The following PITPNM3 variants were observed in gnomAD, a reference collection of about 807,000 sequenced individuals.
PITPNM3 encodes membrane-associated phosphatidylinositol transfer protein 3.
In PITPNM3, 26 loss-of-function variants were observed where a neutral mutation model predicts 102.0. The observed-to-expected ratio is 0.25, with a 90% CI of 0.19 to 0.35. PITPNM3 has a LOEUF of 0.35. PITPNM3 is among the 10% of genes least tolerant of loss of function. PITPNM3 has a pLI of 1.00. For missense variants in PITPNM3, 1,083 were observed against 1,346.1 expected (o/e 0.80, Z 3.06); for synonymous variants, 578 against 558.6 (o/e 1.03, Z -0.49).
chr17:6,556,409 C>A lies in PITPNM3; in HGVS notation c.-3G>T. 1.5e-6 allele frequency: 2 copies of A among 1,310,340 alleles called. No homozygotes were observed. Among genetic ancestry groups the A allele is most frequent in the Non-Finnish European group, 9.7e-7 (1 of 1,029,396 alleles). 81.2% of individuals were successfully genotyped at this position (1,310,340 alleles called of 1,614,324 possible). On this transcript the variant is annotated 5_prime_UTR_variant, in exon 1 of 20. Coordinates refer to ENST00000262483, the MANE Select transcript of PITPNM3 (RefSeq NM_031220.4). This position sits in a 1 kb window ranked among gnomAD's most constrained non-coding sequence, Gnocchi z 5.2. ...CCTGCACGGCCCGCCTTGGCCATGTCCCGGGCGGCGGGCTCCGGCGGCGCT... is the reference window on the plus strand; with the variant it reads ...CCTGCACGGCCCGCCTTGGCCATGTACCGGGCGGCGGGCTCCGGCGGCGCT...
chr17:6,471,189 G>A lies in PITPNM3; in HGVS notation c.1596C>T (p.Asp532=), dbSNP rs954237971. 12 of 1,612,856 alleles carry A rather than the reference G, an allele frequency of 7.4e-6. No individual in the cohort carries two copies. The Admixed American group carries it at 1.5e-4, about 20-fold the overall frequency. ...SSHSESSESS[D]SMAPVGASRI... ...GGGAGGCACCCACGGGTGCCATGCTGTCCGAGGACTCCGAGCTCTCGCTGT... is the reference window on the plus strand; with the variant it reads ...GGGAGGCACCCACGGGTGCCATGCTATCCGAGGACTCCGAGCTCTCGCTGT... Residue 532 remains aspartate (D), a synonymous_variant, in exon 12 of 20, where the codon GAC becomes GAT. Transcript: ENST00000262483.
intron 6 of PITPNM3, chr17:6,481,705 A>G (rs1404547413): frequency 6.6e-6 from 1 of 151,534 alleles, no homozygotes; most frequent in East Asian, 2.0e-4. Context: ...GCTCCATCAG[A>G]GCACTGTGAT....
At chr17:6,475,298 T>TC (rs1305211325) in intron 9 of PITPNM3, among the ~76,000 whole-genome samples, 1 of 152,018 alleles carries the variant, frequency 6.6e-6, no homozygotes, top group Non-Finnish European at 1.5e-5. Context: ...GTGCCCACTG[T>TC]CCCGGGAAGA....
chr17:6,471,458 G>C, intron 11 of PITPNM3, 103 bp from the exon 12 acceptor site: 2 of 1,177,958 alleles, frequency 1.7e-6, no homozygotes, highest in Admixed American at 5.2e-5. Context: ...ACTTGGAGGA[G>C]TCAGCCCCGG....
intron 1 of PITPNM3, among the ~76,000 whole-genome samples, chr17:6,543,524 C>A (rs997064903): frequency 2.0e-5 from 3 of 152,248 alleles, no homozygotes; most frequent in Admixed American, 6.5e-5. Flanking sequence ...GTGAGGAACG[C>A]CCTGACCGTA....
chr17:6,500,338 C>T (rs372953245), intron 4 of PITPNM3, among the ~76,000 whole-genome samples: 11 of 152,146 alleles, frequency 7.2e-5, no homozygotes, highest in East Asian at 1.9e-4. Flanking sequence ...CAAGCCATTG[C>T]GATTCTTCTT....
Position 6,464,310 on chromosome 17 carries a change from G to A in PITPNM3, c.2016C>T (p.Ile672=). Residue 672 remains isoleucine, a synonymous_variant, in exon 16 of 20, where the codon ATC becomes ATT. Coordinates refer to ENST00000262483, the MANE Select transcript of PITPNM3 (RefSeq NM_031220.4). ...CTGAGGATGGCTCTGCCATTACTAG[G>A]ATGTCCACCTGCGGCAGTGAAGGGG... ...MVALTGEKVD[I]LVMAEPSSGR... The A allele has an allele frequency of 6.2e-7, 1 of 1,613,832 alleles. No homozygotes were observed. The highest frequency in any genetic ancestry group is 8.5e-7 in the Non-Finnish European group (1 of 1,180,006).
At chr17:6,492,217 A>C (rs1906532867) in intron 4 of PITPNM3, among the ~76,000 whole-genome samples, 1 of 147,052 alleles carries the variant, frequency 6.8e-6, no homozygotes, top group Non-Finnish European at 1.5e-5. Context: ...GCGCCCCCCC[A>C]CCATGCCCAG....
intron 2 of PITPNM3, among the ~76,000 whole-genome samples, chr17:6,528,063 A>G (rs1008631355): frequency 1.3e-5 from 2 of 151,924 alleles, no homozygotes; most frequent in Non-Finnish European, 2.9e-5. Context: ...CCAGAGTCTC[A>G]CCGTGCTTCT....
intron 14 of PITPNM3, among the ~76,000 whole-genome samples, chr17:6,466,488 T>C (rs1904776329): frequency 6.6e-6 from 1 of 152,108 alleles, no homozygotes; most frequent in Admixed American, 6.6e-5. Context: ...TATAAGCACC[T>C]GAAAAGATCC....
chr17:6,518,529 A>G (rs1908314413), intron 3 of PITPNM3, among the ~76,000 whole-genome samples: 1 of 152,214 alleles, frequency 6.6e-6, no homozygotes, highest in Non-Finnish European at 1.5e-5. Context: ...AAATAAGATT[A>G]AAAAGCTCTT....
At chr17:6,544,083 A>G (rs1909877194) in intron 1 of PITPNM3, among the ~76,000 whole-genome samples, 1 of 152,216 alleles carries the variant, frequency 6.6e-6, no homozygotes, top group South Asian at 2.1e-4. Context: ...GGTGCCCCTG[A>G]GCGAGGCCCT....
Position 6,468,183 on chromosome 17 carries a change from A to G in PITPNM3, c.1890+42T>C. ...CCCCCGGGCCAGCCCCACCTCCCGG[A>G]GGACACAGTCCCAGCCACATGCGAA... On this transcript the variant is annotated intron_variant, in intron 14 of 19. Transcript: ENST00000262483. This position sits in a 1 kb window ranked among gnomAD's most constrained non-coding sequence, Gnocchi z 5.2. The G allele has an allele frequency of 6.3e-7, 1 of 1,589,804 alleles. No homozygotes were observed. Among genetic ancestry groups the G allele is most frequent in the East Asian group, 2.2e-5 (1 of 44,760 alleles).
chr17:6,488,584 C>T (rs1028052010), intron 4 of PITPNM3, among the ~76,000 whole-genome samples: 2 of 152,150 alleles, frequency 1.3e-5, no homozygotes, highest in Admixed American at 1.3e-4. Context: ...CCATTAAACC[C>T]CCAGGAGAAA....
intron 2 of PITPNM3, among the ~76,000 whole-genome samples, chr17:6,530,887 G>T (rs1482064615): frequency 6.6e-6 from 1 of 152,214 alleles, no homozygotes; most frequent in Non-Finnish European, 1.5e-5. Flanking sequence ...ACAGAGCCTT[G>T]CAAGGCCATG....
At chr17:6,476,376 G>C (rs1905299553) in intron 9 of PITPNM3, among the ~76,000 whole-genome samples, 1 of 152,118 alleles carries the variant, frequency 6.6e-6, no homozygotes, top group African/African-American at 2.4e-5. Flanking sequence ...TTCCAATTTG[G>C]GTCCAAGTTC....
rs1198193267 is a variant in PITPNM3, at chr17:6,517,613, G to A, written c.226+7743C>T. Reference sequence around the variant, plus strand: ...CTCATTCTGTCACCCAGGCTGGGTTGCAGTGGAGCAAGCATGGCTCACTGC... The same window carrying A: ...CTCATTCTGTCACCCAGGCTGGGTTACAGTGGAGCAAGCATGGCTCACTGC... On this transcript the variant is annotated intron_variant, in intron 3 of 19. Coordinates refer to ENST00000262483, the MANE Select transcript of PITPNM3 (RefSeq NM_031220.4). The surrounding 1 kb of genome is among the most constrained non-coding windows in gnomAD (Gnocchi z 4.1). Among the ~76,000 whole-genome samples the A allele has an allele frequency of 6.6e-6, 1 of 151,234 alleles. No individual in the cohort carries two copies. The highest frequency in any genetic ancestry group is 2.4e-5 in the African/African-American group (1 of 41,094).
intron 1 of PITPNM3, among the ~76,000 whole-genome samples, chr17:6,548,924 A>T (rs1198766340): frequency 6.6e-6 from 1 of 152,116 alleles, no homozygotes; most frequent in East Asian, 1.9e-4. Context: ...ACCAGCTAAC[A>T]GACGGTTACT....
Position 6,470,597 on chromosome 17 carries a change from C to G in PITPNM3, c.1625-189G>C, listed in dbSNP as rs1278908125. 6.6e-6 allele frequency among the ~76,000 whole-genome samples: 1 copy of G among 152,142 alleles called. No individual in the cohort carries two copies. The highest frequency in any genetic ancestry group is 1.9e-4 in the East Asian group (1 of 5,170). Reference sequence around the variant, plus strand: ...TTCCTCCTTCCTTCTCAAAACCCACCAGCCCTCCCCTAAGATGTGCGTGCC... The same window carrying G: ...TTCCTCCTTCCTTCTCAAAACCCACGAGCCCTCCCCTAAGATGTGCGTGCC... On this transcript the variant is annotated intron_variant, in intron 12 of 19. Transcript: ENST00000262483. The surrounding 1 kb of genome is among the most constrained non-coding windows in gnomAD (Gnocchi z 4.8).
Sources: allele counts gnomAD v4.1 joint callset (sites outside exome capture counted in the v4.1 genomes callset), GRCh38; gene constraint gnomAD v4.1.1; non-coding constraint Gnocchi (gnomAD v3.1); transcripts MANE v1.5; gene names NCBI Gene and HGNC (gene_info 2026-07-23, HGNC 2026-07-21).